SAMD5: variants seen among roughly 807,000 people sequenced by gnomAD.
SAMD5 encodes the protein sterile alpha motif domain-containing protein 5.
In SAMD5, 13 loss-of-function variants were observed where a neutral mutation model predicts 11.3. The ratio of observed to expected loss-of-function variants is 1.15; its 90% CI spans 0.75 to 1.83. The LOEUF (loss-of-function observed/expected upper bound fraction) is 1.83, where lower values mean the gene tolerates loss of function less well. Ranked by LOEUF, SAMD5 falls within the 40% of genes most tolerant of loss-of-function variation. The pLI is 0.00. For synonymous variants in SAMD5, 129 were observed against 111.3 expected, an observed-to-expected ratio of 1.16 and a Z score of -1.00; for missense variants, 255 against 239.1, an observed-to-expected ratio of 1.07 and a Z score of -0.44.
intron 1 of SAMD5, among the ~76,000 whole-genome samples, chr6:147,642,294 A>C (rs1790324306): frequency 6.6e-6 from 1 of 152,142 alleles, no homozygotes; most frequent in Admixed American, 6.6e-5. Flanking sequence ...GTCTTAGTGC[A>C]TTTAATTCTA....
chr6:147,801,179 T>G, the SAMD5 span, among the ~76,000 whole-genome samples: 1 of 152,202 alleles, frequency 6.6e-6, no homozygotes, highest in East Asian at 1.9e-4. Flanking sequence ...ATCACATCAT[T>G]ATTAAAAATT....
chr6:147,707,864 G>A (rs901573347), intron 1 of SAMD5, among the ~76,000 whole-genome samples: 1 of 152,164 alleles, frequency 6.6e-6, no homozygotes, highest in African/African-American at 2.4e-5. Context: ...TGAGGCTGGG[G>A]ATGAGGGGGT....
At chr6:147,748,273 T>C in the SAMD5 span, among the ~76,000 whole-genome samples, 1 of 152,196 alleles carries the variant, frequency 6.6e-6, no homozygotes, top group Non-Finnish European at 1.5e-5. Flanking sequence ...AGGGACAGAC[T>C]GTGGCACATT....
intron 1 of SAMD5, among the ~76,000 whole-genome samples, chr6:147,674,764 AT>A (rs1790840958): frequency 6.6e-6 from 1 of 152,168 alleles, no homozygotes; most frequent in Non-Finnish European, 1.5e-5. Context: ...TACCTGCACT[AT>A]TAAAAAAGAT....
At chr6:147,718,231 A>G (rs1258026597) in intron 1 of SAMD5, among the ~76,000 whole-genome samples, 1 of 152,154 alleles carries the variant, frequency 6.6e-6, no homozygotes, top group African/African-American at 2.4e-5. Context: ...TGGTGTATTT[A>G]TTGTCTACTA....
At chr6:147,842,014 T>A in the SAMD5 span, among the ~76,000 whole-genome samples, 1 of 152,326 alleles carries the variant, frequency 6.6e-6, no homozygotes, top group South Asian at 2.1e-4. Context: ...ACTAAAATGC[T>A]GTCAAAATAG....
At chr6:147,948,712 G>A in the SAMD5 span, among the ~76,000 whole-genome samples, 2 of 152,018 alleles carry the variant, frequency 1.3e-5, no homozygotes, top group Non-Finnish European at 2.9e-5. Flanking sequence ...TGCCTTTTGG[G>A]GGAAGGGTTC....
the SAMD5 span, among the ~76,000 whole-genome samples, chr6:147,918,519 T>C: frequency 1.3e-5 from 2 of 152,026 alleles, no homozygotes; most frequent in African/African-American, 4.8e-5. Context: ...GAGAAAGAAA[T>C]AAAGTGTATT....
At chr6:147,845,462 C>A in the SAMD5 span, among the ~76,000 whole-genome samples, 1 of 152,112 alleles carries the variant, frequency 6.6e-6, no homozygotes, top group Non-Finnish European at 1.5e-5. Flanking sequence ...GGCAATCAGA[C>A]TGGGTGAAAA....
At chr6:147,572,149 T>A (rs906444273), downstream of SAMD5, among the ~76,000 whole-genome samples, 5 of 152,154 alleles carry the variant, frequency 3.3e-5, no homozygotes, top group African/African-American at 1.2e-4. Context: ...AACTTTCTCA[T>A]AAGCCTGAAG....
chr6:147,893,647 A>G, the SAMD5 span, among the ~76,000 whole-genome samples: 1 of 152,118 alleles, frequency 6.6e-6, no homozygotes, highest in Non-Finnish European at 1.5e-5. Flanking sequence ...GGATCTATTG[A>G]CACTATTGCT....
chr6:147,696,132 A>G (rs1791172576), intron 1 of SAMD5, among the ~76,000 whole-genome samples: 1 of 151,794 alleles, frequency 6.6e-6, no homozygotes, highest in African/African-American at 2.4e-5. Flanking sequence ...GAGGAACCCT[A>G]CTTCTTCTGT....
chr6:147,593,669 T>C (rs1047553759), intron 1 of SAMD5, among the ~76,000 whole-genome samples: 5 of 152,142 alleles, frequency 3.3e-5, no homozygotes, highest in African/African-American at 9.7e-5. Flanking sequence ...TCTAAATGAT[T>C]AAAACTGCAA....
intron 1 of SAMD5, among the ~76,000 whole-genome samples, chr6:147,529,918 T>C (rs1317737230): frequency 6.6e-6 from 1 of 152,238 alleles, no homozygotes; most frequent in Non-Finnish European, 1.5e-5. Context: ...TTATGATCTG[T>C]ATTATGTGTT....
chr6:147,767,162 C>G, the SAMD5 span, among the ~76,000 whole-genome samples: 2 of 152,180 alleles, frequency 1.3e-5, no homozygotes, highest in Non-Finnish European at 2.9e-5. Context: ...ACTACCATGA[C>G]AGAAAGTCTA....
intron 1 of SAMD5, among the ~76,000 whole-genome samples, chr6:147,585,263 G>A (rs1200829421): frequency 1.3e-5 from 2 of 152,146 alleles, no homozygotes; most frequent in Non-Finnish European, 1.5e-5. Flanking sequence ...AAGTTCAAGT[G>A]AAAAGTTATA....
chr6:147,814,089 G>T, the SAMD5 span, among the ~76,000 whole-genome samples: 1 of 152,050 alleles, frequency 6.6e-6, no homozygotes, highest in East Asian at 1.9e-4. Context: ...ACTATATATA[G>T]TTCATCTATC....
intron 1 of SAMD5, among the ~76,000 whole-genome samples, chr6:147,707,481 C>T (rs1791339672): frequency 6.6e-6 from 1 of 152,128 alleles, no homozygotes; most frequent in Non-Finnish European, 1.5e-5. Flanking sequence ...GAAACCCTTC[C>T]CACAGGAAGA....
chr6:147,582,335 CA>C (rs55846175), intron 1 of SAMD5, among the ~76,000 whole-genome samples: 45,110 of 146,862 alleles, frequency 0.31, 6,955 homozygotes, highest in South Asian at 0.4. Context: ...ACCCCCCCAC[CA>C]AAAAAAAAAA....
Sources: gnomAD v4.1 joint callset for allele counts (sites outside exome capture counted in the v4.1 genomes callset) on GRCh38, gnomAD v4.1.1 for gene constraint, MANE v1.5 for transcripts, NCBI Gene and HGNC (gene_info 2026-07-23, HGNC 2026-07-21) for gene names.